The following MYH15 variants were observed in gnomAD, a reference collection of about 807,000 sequenced individuals.
MYH15 encodes myosin heavy chain 15.
A neutral mutation model predicts 240.5 loss-of-function variants in MYH15; 227 were observed. The ratio of observed to expected loss-of-function variants is 0.94; its 90% CI spans 0.85 to 1.05. The LOEUF (loss-of-function observed/expected upper bound fraction) is 1.05. Among genes scored for constraint, MYH15 ranks in the 50% least tolerant of loss-of-function variants. The pLI is 0.00. For missense variants in MYH15, 2,217 were observed against 2,247.5 expected (o/e 0.99, Z 0.27); for synonymous variants, 785 against 796.7 (o/e 0.99, Z 0.25).
At chr3:108,469,555 G>A (rs1224164147) in intron 14 of MYH15, among the ~76,000 whole-genome samples, 1 of 152,156 alleles carries the variant, frequency 6.6e-6, no homozygotes, top group African/African-American at 2.4e-5. Flanking sequence ...AAACTAACTG[G>A]TACTTGTCCA....
upstream of MYH15, among the ~76,000 whole-genome samples, chr3:108,514,593 G>T (rs561180200): frequency 1.2e-4 from 19 of 152,054 alleles, no homozygotes; most frequent in Admixed American, 9.2e-4. Flanking sequence ...GAATTATTAT[G>T]CATTAGACAA....
intron 1 of MYH15, among the ~76,000 whole-genome samples, chr3:108,521,869 A>G (rs532542100): frequency 2.6e-5 from 4 of 152,232 alleles, no homozygotes; most frequent in Non-Finnish European, 4.4e-5. Context: ...GAGACTGCAA[A>G]CCATTTTCAG....
rs758909286 is a variant in MYH15, at chr3:108,399,057, C to A, written c.4929+18G>T. ...CATTTTCCACCCCTCCCTACCCCAT[C>A]TTACAGTTTTAAAATACCTTGATTT... On this transcript the variant is annotated intron_variant, in intron 34 of 40. Coordinates refer to ENST00000693548, the MANE Select transcript of MYH15 (RefSeq NM_014981.3). 5.6e-6 allele frequency: 9 copies of A among 1,607,576 alleles called. No homozygotes were observed. In the South Asian group the frequency reaches 1.0e-4, roughly 18 times the overall value.
intron 27 of MYH15, among the ~76,000 whole-genome samples, chr3:108,427,656 A>G (rs112537954): frequency 6.6e-6 from 1 of 151,508 alleles, no homozygotes; most frequent in Non-Finnish European, 1.5e-5. Context: ...AGAGAGAGAG[A>G]AAGAGAGAGA....
intron 12 of MYH15, among the ~76,000 whole-genome samples, chr3:108,471,908 G>C (rs1576255245): frequency 6.6e-6 from 1 of 152,196 alleles, no homozygotes; most frequent in East Asian, 1.9e-4. Context: ...TGCTGTAGCT[G>C]CTATAAATTG....
rs769365824 is a variant in MYH15 at position 108,399,235 on chromosome 3, T to A, written c.4769A>T (p.Gln1590Leu). 14 of 1,614,034 alleles carry A rather than the reference T, an allele frequency of 8.7e-6. No individual in the cohort carries two copies. The Admixed American group carries it at 2.3e-4, about 27-fold the overall frequency. Residue 1590 changes from glutamine to leucine, a missense_variant, in exon 34 of 41, where the codon CAG (glutamine) becomes CTG (leucine). Gln to Leu is a moderately radical substitution (Grantham distance 113, BLOSUM62 -2). Transcript: ENST00000693548. ...RKQQCTIDSL[Q>L]SSLDSEAKSR... The stretch of plus-strand genomic sequence containing the variant: ...CTTAGCTTCAGAATCCAGACTAGAC[T>A]GCAGGGAGTCAATGGTACACTGCTG...
chr3:108,414,501 T>G, intron 29 of MYH15, 73 bp from the exon 30 acceptor site: 2 of 1,390,016 alleles, frequency 1.4e-6, no homozygotes, highest in Admixed American at 4.9e-5. Flanking sequence ...TAAGCTAATT[T>G]TTTTTTTAGG....
chr3:108,513,257 G>A (rs1056507352), upstream of MYH15, among the ~76,000 whole-genome samples: 22 of 152,238 alleles, frequency 1.4e-4, no homozygotes, highest in Admixed American at 8.5e-4. Context: ...TCATCTACAT[G>A]TTGAAAGGAA....
chr3:108,441,248 G>T lies in MYH15; in HGVS notation c.2668C>A (p.Leu890Met). The T allele has an allele frequency of 6.2e-7, 1 of 1,614,010 alleles. No homozygotes were observed. The highest frequency in any genetic ancestry group is 8.5e-7 in the Non-Finnish European group (1 of 1,179,938). Residue 890 changes from leucine (L) to methionine (M), a missense_variant, in exon 23 of 41, where the codon CTG (leucine) becomes ATG (methionine). Transcript: ENST00000693548. ...ILQLQAEQETLANVEEQCEWL... is the reference protein window; with the variant it reads ...ILQLQAEQETMANVEEQCEWL... ...TCGCACTGCTCTTCAACATTTGCCA[G>T]TGTCTCTTGCTCCTGCCATGATGAG... is the stretch of plus-strand genomic sequence containing the variant.
At chr3:108,422,280 C>T (rs939400434) in intron 27 of MYH15, among the ~76,000 whole-genome samples, 3 of 150,558 alleles carry the variant, frequency 2.0e-5, no homozygotes, top group Admixed American at 6.6e-5. Context: ...TGCAATGGCA[C>T]GATCTTGGCT....
chr3:108,499,568 A>G, intron 4 of MYH15, 86 bp from the exon 5 acceptor site: 1 of 1,305,594 alleles, frequency 7.7e-7, no homozygotes. Context: ...CCCTAGCTAC[A>G]ATTTGAAATC....
chr3:108,505,722 C>T lies in MYH15; in HGVS notation c.195+1G>A. The T allele has an allele frequency of 1.3e-6, 2 of 1,595,504 alleles. No homozygotes were observed. The highest frequency in any genetic ancestry group is 1.7e-6 in the Non-Finnish European group (2 of 1,167,600). On this transcript the variant is annotated splice_donor_variant, in intron 2 of 40. Transcript: ENST00000693548. LOFTEE classifies it high-confidence loss of function. ...CTGCAATGAAATAAAAATTTCTTTA[C>T]CTCTCCATCTGCTGTCTCAACAATT...
chr3:108,510,432 A>C lies in MYH15; in HGVS notation c.88+11T>G. On this transcript the variant is annotated intron_variant, in intron 1 of 40. Coordinates refer to ENST00000693548, the MANE Select transcript of MYH15 (RefSeq NM_014981.3). ...AAATAAAGTGAAGCCAGCAACCACC[A>C]CATGTCTCACCATCCAAGGCTGTGG... 2 of 1,595,136 alleles carry C rather than the reference A, an allele frequency of 1.3e-6. No homozygotes were observed. The highest frequency in any genetic ancestry group is 1.7e-6 in the Non-Finnish European group (2 of 1,174,556).
intron 22 of MYH15, 21 bp from the exon 23 acceptor site, chr3:108,441,281 T>C (rs2082883472): frequency 6.2e-7 from 1 of 1,611,960 alleles, no homozygotes; most frequent in Non-Finnish European, 8.5e-7. Context: ...GAGGAGAAAA[T>C]TGTTGCCAAC....
chr3:108,519,142 C>T lies in MYH15; in HGVS notation c.-57-8555G>A, dbSNP rs79806234. On this transcript the variant is annotated intron_variant, in intron 1 of 41. Transcript: ENST00000273353. ...GTTAGAAAAGCATCTAACCAAGATGCAACATGTCCATACAGGCAACATGTC... is the reference window on the plus strand; with the variant it reads ...GTTAGAAAAGCATCTAACCAAGATGTAACATGTCCATACAGGCAACATGTC... 7.0e-3 allele frequency among the ~76,000 whole-genome samples: 1,062 copies of T among 152,222 alleles called. 5 individuals are homozygous for T. Among genetic ancestry groups the T allele is most frequent in the African/African-American group, 0.024 (1,000 of 41,536 alleles).
At chr3:108,406,111 T>C (rs1483706757) in intron 32 of MYH15, among the ~76,000 whole-genome samples, 1 of 152,040 alleles carries the variant, frequency 6.6e-6, no homozygotes, top group Non-Finnish European at 1.5e-5. Context: ...GCAGGGATGT[T>C]ATAAAGGCAA....
chr3:108,460,174 T>C, intron 17 of MYH15, 126 bp downstream of exon 17: 2 of 813,156 alleles, frequency 2.5e-6, no homozygotes, highest in Non-Finnish European at 3.7e-6. Context: ...AGCATAAACT[T>C]CAACTTTTCC....
intron 38 of MYH15, among the ~76,000 whole-genome samples, chr3:108,388,609 C>A (rs1315634037): frequency 6.6e-6 from 1 of 152,138 alleles, no homozygotes; most frequent in Non-Finnish European, 1.5e-5. Flanking sequence ...GGGTAGCCAC[C>A]CCGAGCCTCT....
Position 108,498,098 on chromosome 3 carries a change from T to C in MYH15, c.572A>G (p.Gln191Arg), listed in dbSNP as rs2107232948. 6.2e-7 allele frequency: 1 copy of C among 1,614,144 alleles called. No homozygotes were observed. Among genetic ancestry groups the C allele is most frequent in the Non-Finnish European group, 8.5e-7 (1 of 1,179,986 alleles). Residue 191 changes from glutamine (Q) to arginine (R), a missense_variant, in exon 6 of 41, where the codon CAG becomes CGG. Physicochemically the swap from Gln to Arg is conservative, Grantham distance 43 (BLOSUM62 1). Transcript: ENST00000693548. ...CATGGCTGCTATGGTGGCAAAATACTGGATAATATGTTTGCTGTTCACAGT... is the reference window on the plus strand; with the variant it reads ...CATGGCTGCTATGGTGGCAAAATACCGGATAATATGTTTGCTGTTCACAGT... ...GKTVNSKHII[Q>R]YFATIAAMIE...
Sources: allele counts gnomAD v4.1 joint callset (sites outside exome capture counted in the v4.1 genomes callset), GRCh38; gene constraint gnomAD v4.1.1; transcripts MANE v1.5; gene names NCBI Gene and HGNC (gene_info 2026-07-23, HGNC 2026-07-21).